The following HIVEP1 variants were observed in gnomAD, a reference collection of about 807,000 sequenced individuals.
The protein encoded by HIVEP1 is zinc finger protein 40.
HIVEP1 carries 36 observed loss-of-function variants against 180.0 expected under a neutral mutation model. The observed-to-expected ratio is 0.20, with a 90% CI of 0.15 to 0.26. The LOEUF (loss-of-function observed/expected upper bound fraction) is 0.26, where lower values mean the gene tolerates loss of function less well. Ranked by LOEUF, HIVEP1 falls within the 10% of genes least tolerant of loss-of-function variation. The pLI is 1.00. For missense variants in HIVEP1, 3,143 were observed against 3,268.7 expected, an observed-to-expected ratio of 0.96 and a Z score of 0.94; for synonymous variants, 1,239 against 1,239.0, an observed-to-expected ratio of 1.00 and a Z score of 0.00.
chr6:12,021,355 TG>T (rs1768193283), intron 2 of HIVEP1, among the ~76,000 whole-genome samples: 1 of 152,180 alleles, frequency 6.6e-6, no homozygotes, highest in Non-Finnish European at 1.5e-5. Context: ...TTTCTGTGCT[TG>T]GTTGTCTTTC....
At chr6:12,136,885 GA>G (rs993236429) in intron 7 of HIVEP1, among the ~76,000 whole-genome samples, 67 of 148,506 alleles carry the variant, frequency 4.5e-4, no homozygotes, top group Admixed American at 1.2e-3. Flanking sequence ...ATTGACAAAA[GA>G]AAAAAAAAAT....
intron 2 of HIVEP1, among the ~76,000 whole-genome samples, chr6:12,022,156 A>C (rs1264730171): frequency 2.0e-5 from 3 of 152,064 alleles, no homozygotes; most frequent in Non-Finnish European, 4.4e-5. Context: ...TTTTATATGA[A>C]ATTTTACTTC....
intron 7 of HIVEP1, among the ~76,000 whole-genome samples, chr6:12,156,360 G>T (rs12663812): frequency 0.18 from 27,206 of 152,104 alleles, 2,929 homozygotes; most frequent in East Asian, 0.47. Context: ...GGTTTTCATA[G>T]TTTTTCATTT....
At chr6:12,203,080 T>C in the HIVEP1 span, among the ~76,000 whole-genome samples, 1 of 152,254 alleles carries the variant, frequency 6.6e-6, no homozygotes, top group Non-Finnish European at 1.5e-5. Flanking sequence ...AGCTCATTTC[T>C]GCATTTTGTG....
chr6:12,124,458 T>G lies in HIVEP1; in HGVS notation c.4663T>G (p.Cys1555Gly), dbSNP rs750222997. ...VLSGSSKSED[C>G]FAPKYQLHCQ... ...ATCTGGGTCTTCTAAAAGTGAGGAT[T>G]GCTTTGCTCCCAAATACCAATTGCA... is the stretch of plus-strand genomic sequence containing the variant. Residue 1555 changes from cysteine (C) to glycine (G), a missense_variant, in exon 4 of 9, where the codon TGC becomes GGC. This residue lies in a region of HIVEP1 where 1,357 missense variants were observed against 1,260.5 expected (regional missense o/e 1.08). Coordinates refer to ENST00000379388, the MANE Select transcript of HIVEP1 (RefSeq NM_002114.4). The G allele has an allele frequency of 6.2e-7, 1 of 1,614,200 alleles. No homozygotes were observed. The highest frequency in any genetic ancestry group is 8.5e-7 in the Non-Finnish European group (1 of 1,180,030).
chr6:12,074,755 AC>A (rs1772240858), intron 2 of HIVEP1, among the ~76,000 whole-genome samples: 1 of 144,838 alleles, frequency 6.9e-6, no homozygotes, highest in Non-Finnish European at 1.5e-5. Flanking sequence ...AAAAATTATC[AC>A]TTTTTTAATA....
rs541740928 is a variant in HIVEP1, at chr6:12,080,314, A to G, written c.41-8870A>G. ...TCTTAGGGAATGTGTGCTCAACCAT[A>G]AAAGACAGTGGTCTTCCTAGCATCT... On this transcript the variant is annotated intron_variant, in intron 2 of 8. Coordinates refer to ENST00000379388, the MANE Select transcript of HIVEP1 (RefSeq NM_002114.4). Among the ~76,000 whole-genome samples, 3 of 152,284 alleles carry G rather than the reference A, an allele frequency of 2.0e-5. No individual in the cohort carries two copies. In the South Asian group the frequency reaches 6.2e-4, roughly 32 times the overall value.
chr6:12,039,188 T>C (rs568484770), intron 2 of HIVEP1: 1 of 152,356 alleles, frequency 6.6e-6, no homozygotes, highest in Non-Finnish European at 1.5e-5. Context: ...CTTTTTCAAA[T>C]TGGAATGCTT....
chr6:12,009,045 G>T, upstream of HIVEP1, among the ~76,000 whole-genome samples: 1 of 151,406 alleles, frequency 6.6e-6, no homozygotes, highest in African/African-American at 2.4e-5. Context: ...GCGGAGGGCG[G>T]AGGGCCGAGG....
chr6:12,124,876 A>G lies in HIVEP1; in HGVS notation c.5081A>G (p.Gln1694Arg). 2 of 1,614,242 alleles carry G rather than the reference A, an allele frequency of 1.2e-6. No individual in the cohort carries two copies. The highest frequency in any genetic ancestry group is 1.7e-6 in the Non-Finnish European group (2 of 1,180,036). Residue 1694 changes from glutamine to arginine, a missense_variant, in exon 4 of 9, where the codon CAG (glutamine) becomes CGG (arginine). Gln to Arg is a conservative substitution (Grantham distance 43). Transcript: ENST00000379388. ...GTGCCAACATTACAAAAAGGTCATC[A>G]GAATGCTTTGCCAAACCCAGAGAAG... ...NSVPTLQKGH[Q>R]NALPNPEKEF...
At chr6:12,175,862 T>C in the HIVEP1 span, among the ~76,000 whole-genome samples, 1 of 152,214 alleles carries the variant, frequency 6.6e-6, no homozygotes, top group Non-Finnish European at 1.5e-5. Context: ...GGGTACGTAT[T>C]GCCTGGCTCT....
rs556298954 is a variant in HIVEP1 at position 12,088,823 on chromosome 6, C to T, written c.41-361C>T. 6.6e-5 allele frequency among the ~76,000 whole-genome samples: 10 copies of T among 152,190 alleles called. No individual in the cohort carries two copies. The South Asian group carries it at 1.9e-3, about 28-fold the overall frequency. On this transcript the variant is annotated intron_variant, in intron 2 of 8. Coordinates refer to ENST00000379388, the MANE Select transcript of HIVEP1 (RefSeq NM_002114.4). The stretch of plus-strand genomic sequence containing the variant: ...ATCTGGTTGTTTCTAAGCTAGTAAG[C>T]ATTTGTTATATCTCTAAAATCCCTA...
At chr6:12,107,791 G>A (rs556878181) in intron 3 of HIVEP1, among the ~76,000 whole-genome samples, 18 of 152,158 alleles carry the variant, frequency 1.2e-4, no homozygotes, top group South Asian at 2.1e-4. Flanking sequence ...CTGCTGGCTC[G>A]GGCAGCCTGC....
intron 4 of HIVEP1, among the ~76,000 whole-genome samples, chr6:12,126,354 CT>C (rs1283116947): frequency 6.6e-6 from 1 of 152,200 alleles, no homozygotes; most frequent in Non-Finnish European, 1.5e-5. Flanking sequence ...CTACACGCCC[CT>C]GTCATGCTAT....
chr6:12,094,536 T>C (rs1026447189), intron 3 of HIVEP1, among the ~76,000 whole-genome samples: 2 of 152,016 alleles, frequency 1.3e-5, no homozygotes, highest in African/African-American at 4.8e-5. Context: ...AAATCATAAA[T>C]GGATTTTTAT....
chr6:12,009,334 G>T (rs905978157), upstream of HIVEP1, among the ~76,000 whole-genome samples: 4 of 152,062 alleles, frequency 2.6e-5, no homozygotes, highest in Non-Finnish European at 5.9e-5. Context: ...CAAACTGTTC[G>T]CCAAGAAAAA....
chr6:12,123,578 T>C lies in HIVEP1; in HGVS notation c.3783T>C (p.Ser1261=), dbSNP rs781283113. The change falls in exon 4 of 9, where the codon AGT becomes AGC. Residue 1261 remains serine (S), a synonymous_variant. Coordinates refer to ENST00000379388, the MANE Select transcript of HIVEP1 (RefSeq NM_002114.4). ...CHDQEKSEKF[S]WPQRSETLSK... ...ATCAAGAAAAGTCAGAGAAGTTCAG[T>C]TGGCCCCAGCGTAGTGAAACCTTGT... 77 of 1,614,102 alleles carry C rather than the reference T, an allele frequency of 4.8e-5. No homozygotes were observed. Among genetic ancestry groups the C allele is most frequent in the Admixed American group, 1.3e-4 (8 of 60,028 alleles).
At chr6:12,103,233 TAATG>T (rs1237874021) in intron 3 of HIVEP1, among the ~76,000 whole-genome samples, 8 of 149,556 alleles carry the variant, frequency 5.3e-5, no homozygotes, top group South Asian at 2.2e-4. Flanking sequence ...GAAGCAATAA[TAATG>T]AACTAAAATT....
chr6:12,079,982 C>CTATCTATATT (rs1561920254), intron 2 of HIVEP1, among the ~76,000 whole-genome samples: 14 of 131,954 alleles, frequency 1.1e-4, no homozygotes, highest in Middle Eastern at 3.9e-3. Context: ...CTATCTATAT[C>CTATCTATATT]TGGTCTTTGA....
Sources: gnomAD v4.1 joint callset for allele counts (sites outside exome capture counted in the v4.1 genomes callset) on GRCh38, gnomAD v4.1.1 for gene constraint, gnomAD v4.1.1 regional missense constraint, MANE v1.5 for transcripts, NCBI Gene and HGNC (gene_info 2026-07-23, HGNC 2026-07-21) for gene names.